The following PREP variants were observed in gnomAD, a reference collection of about 807,000 sequenced individuals.
PREP encodes dJ355L5.1 (prolyl endopeptidase).
A neutral mutation model predicts 87.6 loss-of-function variants in PREP; 29 were observed. That is an observed-to-expected ratio of 0.33 (90% CI 0.25 to 0.45). PREP has a LOEUF of 0.45. Ranked by LOEUF, PREP falls within the 20% of genes least tolerant of loss-of-function variation. PREP has a pLI of 1.00. For synonymous variants in PREP, 337 were observed against 328.6 expected (o/e 1.03, Z -0.28); for missense variants, 695 against 886.5 (o/e 0.78, Z 2.74).
At chr6:105,363,151 G>GA (rs113349380) in intron 6 of PREP, among the ~76,000 whole-genome samples, 7 of 150,712 alleles carry the variant, frequency 4.6e-5, no homozygotes, top group Non-Finnish European at 8.9e-5. Flanking sequence ...GATTACTTTT[G>GA]AAAAAAAAAC....
chr6:105,371,987 CT>C (rs937410919), intron 5 of PREP, among the ~76,000 whole-genome samples: 4 of 152,120 alleles, frequency 2.6e-5, no homozygotes, highest in African/African-American at 9.7e-5. Context: ...TTTTCTAACT[CT>C]GGGGCACTCT....
At position 105,403,023 on chromosome 6, in the gene PREP, C is replaced by G; in HGVS notation, c.-132G>C. Reference sequence around the variant, plus strand: ...GCGGCCGGCGGCAGCGGGCGGCCGGCTCACGGCCAGAGCTAGCACAAACGG... The same window carrying G: ...GCGGCCGGCGGCAGCGGGCGGCCGGGTCACGGCCAGAGCTAGCACAAACGG... On this transcript the variant is annotated 5_prime_UTR_variant, in exon 1 of 15. Coordinates refer to ENST00000652536, the MANE Select transcript of PREP (RefSeq NM_002726.5). The G allele has an allele frequency of 3.0e-6, 1 of 336,366 alleles. No individual in the cohort carries two copies. Among genetic ancestry groups the G allele is most frequent in the Non-Finnish European group, 5.2e-6 (1 of 194,016 alleles). 20.8% of individuals were successfully genotyped at this position (336,366 alleles called of 1,614,324 possible). A position where few individuals can be genotyped will look rare whatever the true frequency, so the allele number is the denominator to read the frequency against.
intron 6 of PREP, among the ~76,000 whole-genome samples, chr6:105,356,591 T>A (rs1199404846): frequency 6.6e-6 from 1 of 152,180 alleles, no homozygotes; most frequent in African/African-American, 2.4e-5. Context: ...TTTGGATCAT[T>A]AGCTCAGTGA....
intron 10 of PREP, among the ~76,000 whole-genome samples, chr6:105,297,758 T>C (rs1299367201): frequency 6.6e-6 from 1 of 152,208 alleles, no homozygotes; most frequent in Non-Finnish European, 1.5e-5. Flanking sequence ...CTGTCTTCCT[T>C]CTTCTTGTCA....
chr6:105,288,837 C>CT lies in PREP; in HGVS notation c.1374dup (p.Gly459ArgfsTer58). The CT allele has an allele frequency of 6.2e-7, 1 of 1,613,816 alleles. No individual in the cohort carries two copies. Among genetic ancestry groups the CT allele is most frequent in the Non-Finnish European group, 8.5e-7 (1 of 1,179,756 alleles). On this transcript the variant is annotated frameshift_variant, in exon 11 of 15. Coordinates refer to ENST00000652536, the MANE Select transcript of PREP (RefSeq NM_002726.5). LOFTEE classifies it high-confidence loss of function. ...GGATGAGAGCCATCCAATTTTATGC[C>CT]TTTTTTATGCACAATGAACATTGGA...
rs1769908044 is a variant in PREP, at chr6:105,275,103, T to G, written c.*3041A>C. 6.6e-6 allele frequency among the ~76,000 whole-genome samples: 1 copy of G among 152,210 alleles called. No homozygotes were observed. The highest frequency in any genetic ancestry group is 6.5e-5 in the Admixed American group (1 of 15,280). ...GGCCTCAGTCCTCATCCCACTGGCC[T>G]GACCACCCCAACAGTATGACCTTTG... On this transcript the variant is annotated 3_prime_UTR_variant, in exon 15 of 15. Coordinates refer to ENST00000652536, the MANE Select transcript of PREP (RefSeq NM_002726.5).
intron 2 of PREP, among the ~76,000 whole-genome samples, chr6:105,394,851 GCAAATAC>G (rs1773248894): frequency 6.6e-6 from 1 of 152,128 alleles, no homozygotes; most frequent in Non-Finnish European, 1.5e-5. Context: ...ACGACAAAAA[GCAAATAC>G]CTGAGAATGG....
chr6:105,341,296 A>C (rs1007750990), intron 7 of PREP, among the ~76,000 whole-genome samples: 1 of 152,258 alleles, frequency 6.6e-6, no homozygotes, highest in Non-Finnish European at 1.5e-5. Context: ...TACTGGGTAC[A>C]TAACGAAATG....
chr6:105,301,637 T>A (rs1770540791), intron 10 of PREP, among the ~76,000 whole-genome samples: 1 of 152,218 alleles, frequency 6.6e-6, no homozygotes, highest in Non-Finnish European at 1.5e-5. Flanking sequence ...GAAAGTCTAT[T>A]CCAGACTGCT....
intron 10 of PREP, among the ~76,000 whole-genome samples, chr6:105,300,618 T>C (rs1770513924): frequency 6.8e-6 from 1 of 146,028 alleles, no homozygotes; most frequent in Admixed American, 6.7e-5. Context: ...CTGAATGCTT[T>C]ATGTTAAAAA....
intron 10 of PREP, among the ~76,000 whole-genome samples, chr6:105,304,690 T>C (rs553002248): frequency 1.3e-5 from 2 of 152,192 alleles, no homozygotes; most frequent in Admixed American, 6.5e-5. Context: ...CATAAATTAA[T>C]GCCCAAACTG....
intron 6 of PREP, among the ~76,000 whole-genome samples, chr6:105,366,697 G>C (rs1236246182): frequency 6.6e-6 from 1 of 150,984 alleles, no homozygotes; most frequent in African/African-American, 2.5e-5. Flanking sequence ...AAGTGCCCAG[G>C]GATGAATGGA....
chr6:105,327,759 A>G (rs1583057839), intron 9 of PREP, among the ~76,000 whole-genome samples: 1 of 152,220 alleles, frequency 6.6e-6, no homozygotes, highest in Non-Finnish European at 1.5e-5. Context: ...ACATATGTGC[A>G]TAAGGAAAGT....
At chr6:105,322,672 G>A in intron 10 of PREP, 1 of 993,160 alleles carries the variant, frequency 1.0e-6, no homozygotes, top group Non-Finnish European at 1.2e-6. Flanking sequence ...GTAAACAAAT[G>A]GGCATGTGTT....
intron 8 of PREP, among the ~76,000 whole-genome samples, chr6:105,331,700 T>C (rs1188232445): frequency 2.6e-5 from 4 of 152,194 alleles, no homozygotes; most frequent in Non-Finnish European, 5.9e-5. Context: ...TCAAAGTGAC[T>C]AGAAACAGAT....
At chr6:105,382,159 G>A (rs9500089) in intron 2 of PREP, among the ~76,000 whole-genome samples, 37,843 of 151,804 alleles carry the variant, frequency 0.25, 7,066 homozygotes, top group African/African-American at 0.53. Context: ...TGGGGGAGAT[G>A]TTGGTAAAAG....
intron 10 of PREP, among the ~76,000 whole-genome samples, chr6:105,291,023 T>A (rs1299748989): frequency 1.3e-5 from 2 of 152,204 alleles, no homozygotes; most frequent in African/African-American, 4.8e-5. Context: ...GGCTTCCCAG[T>A]GCATATAAAA....
At chr6:105,341,047 A>C (rs1771634153) in intron 7 of PREP, among the ~76,000 whole-genome samples, 2 of 152,234 alleles carry the variant, frequency 1.3e-5, no homozygotes, top group Non-Finnish European at 1.5e-5. Context: ...GACCTAATAG[A>C]CATCTACAGA....
chr6:105,309,329 C>T (rs1309618088), intron 10 of PREP, among the ~76,000 whole-genome samples: 1 of 152,172 alleles, frequency 6.6e-6, no homozygotes, highest in African/African-American at 2.4e-5. Flanking sequence ...TGTCAGCCCA[C>T]TAATGCATCA....
Sources: gnomAD v4.1 joint callset for allele counts (sites outside exome capture counted in the v4.1 genomes callset) on GRCh38, gnomAD v4.1.1 for gene constraint, MANE v1.5 for transcripts, NCBI Gene and HGNC (gene_info 2026-07-23, HGNC 2026-07-21) for gene names.